BTG1: variants seen among roughly 807,000 people sequenced by gnomAD.
The protein encoded by BTG1 is protein BTG1.
Under a neutral mutation model 15.2 loss-of-function variants are expected in BTG1, and 2 were observed. The ratio of observed to expected loss-of-function variants is 0.13; its 90% confidence interval spans 0.05 to 0.41. The LOEUF (loss-of-function observed/expected upper bound fraction) is 0.41. BTG1 is among the 10% of genes least tolerant of loss of function. BTG1 has a pLI of 0.99. For missense variants in BTG1, 149 were observed against 215.0 expected, an observed-to-expected ratio of 0.69 and a Z score of 1.92; for synonymous variants, 109 against 82.4, an observed-to-expected ratio of 1.32 and a Z score of -1.75.
At position 92,145,822 on chromosome 12, in the gene BTG1, G is replaced by T. The variant is rs28399533; in HGVS notation, c.-287C>A. The T allele has an allele frequency of 1.6e-5, 4 of 246,636 alleles. No homozygotes were observed. Among genetic ancestry groups the T allele is most frequent in the African/African-American group, 8.9e-5 (4 of 45,190 alleles). The allele number at this position is 246,636 out of a possible 1,614,324, so 15.3% of individuals were successfully genotyped here. A position where few individuals can be genotyped will look rare whatever the true frequency, so the allele number is the denominator to read the frequency against. Reference sequence around the variant, plus strand: ...TCCGCAGCATTCGAAGATCTCAATAGCTGCATTTCCAGCTCCGAGAGGCGA... The same window carrying T: ...TCCGCAGCATTCGAAGATCTCAATATCTGCATTTCCAGCTCCGAGAGGCGA... On this transcript the variant is annotated 5_prime_UTR_variant, in exon 1 of 2. Transcript: ENST00000256015.
rs1870263729 is a variant in BTG1, at chr12:92,141,995, TTTAAAAAC to T, written c.*2077_*2084del. On this transcript the variant is annotated 3_prime_UTR_variant, in exon 2 of 2. Transcript: ENST00000256015. ...GTAGTCAGCACTGGGGTGAGACCCA[TTTAAAAAC>T]AACCCTACCTGGTGTTTTTATTGTA... 4.3e-6 allele frequency: 1 copy of T among 231,858 alleles called. No homozygotes were observed. The highest frequency in any genetic ancestry group is 5.6e-5 in the Admixed American group (1 of 17,750). The allele number at this position is 231,858 out of a possible 1,614,324, so 14.4% of individuals were successfully genotyped here. A position where few individuals can be genotyped will look rare whatever the true frequency, so the allele number is the denominator to read the frequency against.
Position 92,143,632 on chromosome 12 carries a change from T to C in BTG1, c.*448A>G, listed in dbSNP as rs545990584. ...GGTAAAAGTCTTGTAAAATTTCCAG[T>C]ACTACCATGTTTAAAACGTTTAACT... On this transcript the variant is annotated 3_prime_UTR_variant, in exon 2 of 2. Coordinates refer to ENST00000256015, the MANE Select transcript of BTG1 (RefSeq NM_001731.3). 4.0e-6 allele frequency: 1 copy of C among 250,032 alleles called. No homozygotes were observed. The highest frequency in any genetic ancestry group is 2.2e-5 in the African/African-American group (1 of 45,590). 15.5% of individuals were successfully genotyped at this position (250,032 alleles called of 1,614,324 possible).
At position 92,140,690 on chromosome 12, in the gene BTG1, C is replaced by T. The variant is rs75958574; in HGVS notation, c.*3390G>A. ...TATTAGTTCCAAATATGAAAATAAA[C>T]CGGTTATATTTTGATAGCAGCCATA... On this transcript the variant is annotated 3_prime_UTR_variant, in exon 2 of 2. Transcript: ENST00000256015. 0.021 allele frequency: 4,885 copies of T among 231,914 alleles called. 87 individuals carry two copies. The highest frequency in any genetic ancestry group is 0.049 in the African/African-American group (2,203 of 45,326). 14.4% of individuals were successfully genotyped at this position (231,914 alleles called of 1,614,324 possible).
intron 1 of BTG1, 21 bp downstream of exon 1, chr12:92,145,367 C>T (rs1870516867): frequency 1.3e-6 from 2 of 1,530,084 alleles, no homozygotes; most frequent in African/African-American, 2.9e-5. Flanking sequence ...CGCGTCCCTC[C>T]GACGCCCTCG....
chr12:92,143,905 C>G lies in BTG1; in HGVS notation c.*175G>C, dbSNP rs1179032291. On this transcript the variant is annotated 3_prime_UTR_variant, in exon 2 of 2. Transcript: ENST00000256015. ...AAAATTAATCATTGAAAGGTACTGT[C>G]CAAACTATGGCACTGTCACTTAAAA... The G allele has an allele frequency of 1.5e-6, 1 of 676,264 alleles. No homozygotes were observed. The highest frequency in any genetic ancestry group is 2.4e-6 in the Non-Finnish European group (1 of 417,532). The allele number at this position is 676,264 out of a possible 1,614,324, so 41.9% of individuals were successfully genotyped here. A position where few individuals can be genotyped will look rare whatever the true frequency, so the allele number is the denominator to read the frequency against.
In BTG1 at chr12:92,144,181, T is replaced by C. The variant is rs764941738; in HGVS notation, c.415A>G (p.Asn139Asp). ...PAGGSTQNST[N>D]VQMVDSRISC... ...ATTCGGCTGTCTACCATTTGCACGT[T>C]GGTGCTGTTTTGAGTGCTACCTCCT... is the stretch of plus-strand genomic sequence containing the variant. The change falls in exon 2 of 2, where the codon AAC becomes GAC. Residue 139 changes from asparagine (N) to aspartate (D), a missense_variant. Transcript: ENST00000256015. 35 of 1,614,098 alleles carry C rather than the reference T, an allele frequency of 2.2e-5. No individual in the cohort carries two copies.
chr12:92,143,338 A>T lies in BTG1; in HGVS notation c.*742T>A. ...CTTTTACCCAATTAAGTACAAGGAAAGTTACAAACCAGACCTCCACTTTCT... is the reference window on the plus strand; with the variant it reads ...CTTTTACCCAATTAAGTACAAGGAATGTTACAAACCAGACCTCCACTTTCT... On this transcript the variant is annotated 3_prime_UTR_variant, in exon 2 of 2. Transcript: ENST00000256015. 1 of 233,162 alleles carries T rather than the reference A, an allele frequency of 4.3e-6. No individual in the cohort carries two copies. Among genetic ancestry groups the T allele is most frequent in the Non-Finnish European group, 8.5e-6 (1 of 117,712 alleles). 14.4% of individuals were successfully genotyped at this position (233,162 alleles called of 1,614,324 possible). A position where few individuals can be genotyped will look rare whatever the true frequency, so the allele number is the denominator to read the frequency against.
Position 92,141,067 on chromosome 12 carries a change from C to G in BTG1, c.*3013G>C, listed in dbSNP as rs1870185849. The G allele has an allele frequency of 4.3e-6, 1 of 232,674 alleles. No homozygotes were observed. Among genetic ancestry groups the G allele is most frequent in the Non-Finnish European group, 8.5e-6 (1 of 117,796 alleles). 14.4% of individuals were successfully genotyped at this position (232,674 alleles called of 1,614,324 possible). On this transcript the variant is annotated 3_prime_UTR_variant, in exon 2 of 2. Transcript: ENST00000256015. ...GTCCAATAGTAGATTTATTTGCTCC[C>G]AAGATTAAAGGGAGCCTGGAAACCT...
Position 92,145,537 on chromosome 12 carries a change from G to C in BTG1, c.-2C>G. On this transcript the variant is annotated 5_prime_UTR_variant, in exon 1 of 2. Coordinates refer to ENST00000256015, the MANE Select transcript of BTG1 (RefSeq NM_001731.3). ...GGCCCGGGTGTAGAAGGGATGCATGGGGGCGGCGTGCGGGGGCGGCCCGGG... is the reference window on the plus strand; with the variant it reads ...GGCCCGGGTGTAGAAGGGATGCATGCGGGCGGCGTGCGGGGGCGGCCCGGG... 1 of 1,498,208 alleles carries C rather than the reference G, an allele frequency of 6.7e-7. No homozygotes were observed. The highest frequency in any genetic ancestry group is 8.9e-7 in the Non-Finnish European group (1 of 1,118,814). 92.8% of individuals were successfully genotyped at this position (1,498,208 alleles called of 1,614,324 possible). A position where few individuals can be genotyped will look rare whatever the true frequency, so the allele number is the denominator to read the frequency against.
At position 92,142,011 on chromosome 12, in the gene BTG1, C is replaced by T; in HGVS notation, c.*2069G>A. On this transcript the variant is annotated 3_prime_UTR_variant, in exon 2 of 2. Transcript: ENST00000256015. Reference sequence around the variant, plus strand: ...TGAGACCCATTTAAAAACAACCCTACCTGGTGTTTTTATTGTAATTCAAGT... The same window carrying T: ...TGAGACCCATTTAAAAACAACCCTATCTGGTGTTTTTATTGTAATTCAAGT... 4.3e-6 allele frequency: 1 copy of T among 231,786 alleles called. No individual in the cohort carries two copies. Among genetic ancestry groups the T allele is most frequent in the Non-Finnish European group, 8.5e-6 (1 of 117,134 alleles). The allele number at this position is 231,786 out of a possible 1,614,324, so 14.4% of individuals were successfully genotyped here. A position where few individuals can be genotyped will look rare whatever the true frequency, so the allele number is the denominator to read the frequency against.
Position 92,145,614 on chromosome 12 carries a change from T to A in BTG1, c.-79A>T. 1 of 1,053,056 alleles carries A rather than the reference T, an allele frequency of 9.5e-7. No individual in the cohort carries two copies. Among genetic ancestry groups the A allele is most frequent in the Non-Finnish European group, 1.2e-6 (1 of 813,962 alleles). 65.2% of individuals were successfully genotyped at this position (1,053,056 alleles called of 1,614,324 possible). A position where few individuals can be genotyped will look rare whatever the true frequency, so the allele number is the denominator to read the frequency against. ...CGACGGCGGAGCAGCCACCCCGGGC[T>A]TCCTCACCGGGCGGAAGGCTGAGAG... On this transcript the variant is annotated 5_prime_UTR_variant, in exon 1 of 2. It adds an upstream start codon to the 5' untranslated region. Transcript: ENST00000256015.
Position 92,144,140 on chromosome 12 carries a change from T to C in BTG1, c.456A>G (p.Glu152=), listed in dbSNP as rs1033091970. The C allele has an allele frequency of 1.2e-6, 2 of 1,613,934 alleles. No homozygotes were observed. Among genetic ancestry groups the C allele is most frequent in the African/African-American group, 1.3e-5 (1 of 75,052 alleles). The change falls in exon 2 of 2, where the codon GAA becomes GAG. Residue 152 remains glutamate (E), a synonymous_variant. Transcript: ENST00000256015. ...AAGGGCTCGTTCTGCCCAAGAGAAG[T>C]TCCTCCTTACAGCTGATTCGGCTGT... The part of the protein sequence containing the change: ...MVDSRISCKE[E]LLLGRTSPSK...
In BTG1 at chr12:92,145,539, G is replaced by A. The variant is rs760680082; in HGVS notation, c.-4C>T. ...CCCGGGTGTAGAAGGGATGCATGGG[G>A]GCGGCGTGCGGGGGCGGCCCGGGGC... On this transcript the variant is annotated 5_prime_UTR_variant, in exon 1 of 2. Coordinates refer to ENST00000256015, the MANE Select transcript of BTG1 (RefSeq NM_001731.3). 8 of 1,494,234 alleles carry A rather than the reference G, an allele frequency of 5.4e-6. No individual in the cohort carries two copies. Among genetic ancestry groups the A allele is most frequent in the Non-Finnish European group, 7.2e-6 (8 of 1,116,594 alleles). 92.6% of individuals were successfully genotyped at this position (1,494,234 alleles called of 1,614,324 possible).
Position 92,143,154 on chromosome 12 carries a change from TATAG to T in BTG1, c.*922_*925del, listed in dbSNP as rs1353693471. 3 of 232,744 alleles carry T rather than the reference TATAG, an allele frequency of 1.3e-5. No individual in the cohort carries two copies. The highest frequency in any genetic ancestry group is 6.6e-5 in the African/African-American group (3 of 45,312). 14.4% of individuals were successfully genotyped at this position (232,744 alleles called of 1,614,324 possible). ...AATGCCAAGATAAGAAACGATTTAT[TATAG>T]AGAGAAGAAAAATTTCTCATCCAAA... On this transcript the variant is annotated 3_prime_UTR_variant, in exon 2 of 2. Transcript: ENST00000256015.
At position 92,141,818 on chromosome 12, in the gene BTG1, T is replaced by A. The variant is rs1437657701; in HGVS notation, c.*2262A>T. ...CTAAAATAAACATTTTTATTAACTG[T>A]TTCCATCATTTTCAAAGATTGAAAA... is the stretch of plus-strand genomic sequence containing the variant. On this transcript the variant is annotated 3_prime_UTR_variant, in exon 2 of 2. Transcript: ENST00000256015. The A allele has an allele frequency of 4.3e-6, 1 of 232,424 alleles. No individual in the cohort carries two copies. The highest frequency in any genetic ancestry group is 8.5e-6 in the Non-Finnish European group (1 of 117,618). 14.4% of individuals were successfully genotyped at this position (232,424 alleles called of 1,614,324 possible).
rs1565853940 is a variant in BTG1 at position 92,142,606 on chromosome 12, C to G, written c.*1474G>C. On this transcript the variant is annotated 3_prime_UTR_variant, in exon 2 of 2. Transcript: ENST00000256015. Reference sequence around the variant, plus strand: ...TTGAGAATAAAAGTTCATAAACATACCTTTTGTTGAATTCCAGCTTATGTG... The same window carrying G: ...TTGAGAATAAAAGTTCATAAACATAGCTTTTGTTGAATTCCAGCTTATGTG... The G allele has an allele frequency of 4.3e-6, 1 of 232,720 alleles. No homozygotes were observed. Among genetic ancestry groups the G allele is most frequent in the Non-Finnish European group, 8.5e-6 (1 of 117,832 alleles). The allele number at this position is 232,720 out of a possible 1,614,324, so 14.4% of individuals were successfully genotyped here.
At position 92,142,670 on chromosome 12, in the gene BTG1, G is replaced by C. The variant is rs2136946480; in HGVS notation, c.*1410C>G. The C allele has an allele frequency of 4.3e-6, 1 of 233,052 alleles. No individual in the cohort carries two copies. The allele number at this position is 233,052 out of a possible 1,614,324, so 14.4% of individuals were successfully genotyped here. ...TCTTGCAGGTGATGAAAAGCAAAAAGCAACCAATCTCTCTGTGGTGTTTAG... is the reference window on the plus strand; with the variant it reads ...TCTTGCAGGTGATGAAAAGCAAAAACCAACCAATCTCTCTGTGGTGTTTAG... On this transcript the variant is annotated 3_prime_UTR_variant, in exon 2 of 2. Coordinates refer to ENST00000256015, the MANE Select transcript of BTG1 (RefSeq NM_001731.3).
At position 92,143,269 on chromosome 12, in the gene BTG1, T is replaced by C. The variant is rs1375989403; in HGVS notation, c.*811A>G. The C allele has an allele frequency of 4.3e-6, 1 of 232,814 alleles. No homozygotes were observed. The highest frequency in any genetic ancestry group is 8.5e-6 in the Non-Finnish European group (1 of 117,596). 14.4% of individuals were successfully genotyped at this position (232,814 alleles called of 1,614,324 possible). ...AGTTCATAATTTACCAAATAAAAGA[T>C]GACTAACAAAGTTCACAAAATAGAT... is the stretch of plus-strand genomic sequence containing the variant. On this transcript the variant is annotated 3_prime_UTR_variant, in exon 2 of 2. Transcript: ENST00000256015.
chr12:92,144,252 A>G lies in BTG1; in HGVS notation c.344T>C (p.Ile115Thr), dbSNP rs756435001. ...CACACAGATGGAGCCATCCTCTCCAATTCTGTAGGACACTTCATAGGGGTC... is the reference window on the plus strand; with the variant it reads ...CACACAGATGGAGCCATCCTCTCCAGTTCTGTAGGACACTTCATAGGGGTC... The part of the protein sequence containing the change: ...WVDPYEVSYR[I>T]GEDGSICVLY... Residue 115 changes from isoleucine (I) to threonine (T), a missense_variant, in exon 2 of 2, where the codon ATT (isoleucine) becomes ACT (threonine). Transcript: ENST00000256015. 6.2e-7 allele frequency: 1 copy of G among 1,614,188 alleles called. No individual in the cohort carries two copies. Among genetic ancestry groups the G allele is most frequent in the Non-Finnish European group, 8.5e-7 (1 of 1,180,022 alleles).
Sources: allele counts gnomAD v4.1 joint callset, GRCh38; gene constraint gnomAD v4.1.1; transcripts MANE v1.5; gene names NCBI Gene and HGNC (gene_info 2026-07-23, HGNC 2026-07-21).